The following SESTD1 variants were observed in gnomAD, a reference collection of about 807,000 sequenced individuals.
The protein encoded by SESTD1 is SEC14 domain and spectrin repeat-containing protein 1.
A neutral mutation model predicts 101.7 loss-of-function variants in SESTD1; 43 were observed. The observed-to-expected ratio is 0.42, with a 90% confidence interval of 0.33 to 0.55. SESTD1 has a LOEUF of 0.55. Ranked by LOEUF, SESTD1 falls within the 20% of genes least tolerant of loss-of-function variation. The pLI is 0.07. For synonymous variants in SESTD1, 283 were observed against 286.8 expected, an observed-to-expected ratio of 0.99 and a Z score of 0.13; for missense variants, 647 against 815.1, an observed-to-expected ratio of 0.79 and a Z score of 2.51.
At chr2:179,146,678 T>C (rs1324473517) in intron 7 of SESTD1, among the ~76,000 whole-genome samples, 2 of 152,170 alleles carry the variant, frequency 1.3e-5, no homozygotes, top group African/African-American at 4.8e-5. Context: ...ATAAAATAAC[T>C]ACTTGGAAAA....
At chr2:179,218,209 G>A (rs2046753481) in intron 1 of SESTD1, among the ~76,000 whole-genome samples, 1 of 152,000 alleles carries the variant, frequency 6.6e-6, no homozygotes, top group Non-Finnish European at 1.5e-5. Context: ...AAATACATCT[G>A]AGTGGATTAT....
intron 9 of SESTD1, among the ~76,000 whole-genome samples, chr2:179,134,603 G>GT (rs549749358): frequency 8.6e-5 from 13 of 151,068 alleles, no homozygotes; most frequent in South Asian, 2.1e-4. Flanking sequence ...TATATATAAT[G>GT]TTTTTTTTTC....
chr2:179,223,936 T>C (rs1279029361), intron 1 of SESTD1, among the ~76,000 whole-genome samples: 3 of 152,178 alleles, frequency 2.0e-5, no homozygotes, highest in Admixed American at 6.5e-5. Context: ...TCAACACACA[T>C]AAAGACATCC....
chr2:179,112,737 C>A lies in SESTD1; in HGVS notation c.1948G>T (p.Val650Phe). The A allele has an allele frequency of 6.2e-7, 1 of 1,612,124 alleles. No homozygotes were observed. The highest frequency in any genetic ancestry group is 8.5e-7 in the Non-Finnish European group (1 of 1,179,790). The change falls in exon 17 of 18, where the codon GTT (valine) becomes TTT (phenylalanine). Residue 650 changes from valine (V) to phenylalanine (F), a missense_variant. By Grantham distance (50) the Val-to-Phe change is conservative. Coordinates refer to ENST00000428443, the MANE Select transcript of SESTD1 (RefSeq NM_178123.5). ...SLLDRLTVPV[V>F]YPDGTEQYFG... ...CATGCCCCATACCCATCAGGATAAA[C>A]TACTGGAACAGTTAATCTATCCAAA... is the stretch of plus-strand genomic sequence containing the variant.
In SESTD1 at chr2:179,104,676, C is replaced by G. The variant is rs938793880; in HGVS notation, c.*5223G>C. 2.6e-5 allele frequency: 4 copies of G among 152,092 alleles called. No individual in the cohort carries two copies. Among genetic ancestry groups the G allele is most frequent in the African/African-American group, 9.7e-5 (4 of 41,422 alleles). 9.4% of individuals were successfully genotyped at this position (152,092 alleles called of 1,614,324 possible). ...GTCAGAAAGTTTTCTACATGCCTAA[C>G]TTAAAATCCCTAATAACACTGCTCC... On this transcript the variant is annotated 3_prime_UTR_variant, in exon 18 of 18. Transcript: ENST00000428443.
intron 5 of SESTD1, among the ~76,000 whole-genome samples, chr2:179,159,176 G>A (rs999684102): frequency 2.0e-5 from 3 of 152,200 alleles, no homozygotes; most frequent in Non-Finnish European, 4.4e-5. Context: ...AAGTGGGTCA[G>A]GATCAGCATG....
At chr2:179,209,046 G>A (rs1324434943) in intron 1 of SESTD1, among the ~76,000 whole-genome samples, 1 of 134,704 alleles carries the variant, frequency 7.4e-6, no homozygotes, top group Non-Finnish European at 1.6e-5. Context: ...CCATGCAAAT[G>A]GACACCAAAA....
intron 1 of SESTD1, among the ~76,000 whole-genome samples, chr2:179,205,698 T>C (rs2046581369): frequency 7.4e-6 from 1 of 135,336 alleles, no homozygotes; most frequent in African/African-American, 2.9e-5. Flanking sequence ...GTGATAAAAA[T>C]GCAGCTTAAA....
At chr2:179,257,075 A>G (rs2047407477) in intron 1 of SESTD1, among the ~76,000 whole-genome samples, 2 of 152,272 alleles carry the variant, frequency 1.3e-5, no homozygotes, top group East Asian at 3.9e-4. Flanking sequence ...TTTCATGAGA[A>G]GAAGAGTCCA....
At chr2:179,249,573 C>T (rs900331008) in intron 1 of SESTD1, among the ~76,000 whole-genome samples, 1 of 152,024 alleles carries the variant, frequency 6.6e-6, no homozygotes, top group Non-Finnish European at 1.5e-5. Flanking sequence ...ACTATAGAAA[C>T]GTGTCAATTC....
At chr2:179,256,149 G>A (rs561073373) in intron 1 of SESTD1, among the ~76,000 whole-genome samples, 3 of 152,348 alleles carry the variant, frequency 2.0e-5, no homozygotes, top group South Asian at 4.1e-4. Context: ...AAGTCATTCT[G>A]TAGCCCACAG....
intron 10 of SESTD1, among the ~76,000 whole-genome samples, chr2:179,128,863 T>C (rs1416518481): frequency 6.6e-6 from 1 of 152,160 alleles, no homozygotes; most frequent in Non-Finnish European, 1.5e-5. Flanking sequence ...AGAAAATGAT[T>C]ATTTTATAGC....
chr2:179,220,169 C>T (rs966349713), intron 1 of SESTD1, among the ~76,000 whole-genome samples: 1 of 152,102 alleles, frequency 6.6e-6, no homozygotes, highest in Non-Finnish European at 1.5e-5. Context: ...ACAATATAAG[C>T]CACTACCCCT....
intron 1 of SESTD1, among the ~76,000 whole-genome samples, chr2:179,261,517 A>G (rs2047482932): frequency 6.6e-6 from 1 of 152,232 alleles, no homozygotes; most frequent in South Asian, 2.1e-4. Flanking sequence ...AAAACATTAA[A>G]TGAGAAAATT....
chr2:179,124,280 A>G, intron 11 of SESTD1, 84 bp downstream of exon 11: 2 of 1,233,822 alleles, frequency 1.6e-6, no homozygotes, highest in Non-Finnish European at 2.3e-6. Context: ...ATAATTTAGG[A>G]GGCATGCAAA....
chr2:179,229,740 T>G (rs926783461), intron 1 of SESTD1, among the ~76,000 whole-genome samples: 1 of 138,652 alleles, frequency 7.2e-6, no homozygotes, highest in African/African-American at 2.8e-5. Flanking sequence ...TTTAAGATTT[T>G]GTAAGAACTT....
rs141352447 is a variant in SESTD1, at chr2:179,176,432, A to C, written c.255+16T>G. ...TAAAATAAAAACCATTTCCTGATAG[A>C]CAAAACCAAAATTACCTGTAGCATT... On this transcript the variant is annotated intron_variant, in intron 4 of 17. Transcript: ENST00000428443. 141 of 1,606,900 alleles carry C rather than the reference A, an allele frequency of 8.8e-5. 2 individuals carry two copies. Among genetic ancestry groups the C allele is most frequent in the Middle Eastern group, 8.3e-4 (5 of 6,028 alleles).
intron 3 of SESTD1, among the ~76,000 whole-genome samples, chr2:179,181,023 T>C (rs2046098044): frequency 6.6e-6 from 1 of 152,196 alleles, no homozygotes; most frequent in Admixed American, 6.5e-5. Flanking sequence ...GAATGAGTTC[T>C]TTCATCTTGC....
At chr2:179,132,101 C>A (rs868314074) in intron 10 of SESTD1, 5 of 459,472 alleles carry the variant, frequency 1.1e-5, no homozygotes, top group Non-Finnish European at 1.9e-5. Flanking sequence ...AATTAAACTG[C>A]ATTAGAGACA....
Sources: allele counts gnomAD v4.1 joint callset (sites outside exome capture counted in the v4.1 genomes callset), GRCh38; gene constraint gnomAD v4.1.1; transcripts MANE v1.5; gene names NCBI Gene and HGNC (gene_info 2026-07-23, HGNC 2026-07-21).